Variants in ARHGAP22 observed in about 807,000 individuals in gnomAD.
ARHGAP22 encodes the protein Rho GTPase activating protein 22.
ARHGAP22 carries 48 observed loss-of-function variants against 59.1 expected under a neutral mutation model. The observed-to-expected ratio is 0.81, with a 90% CI of 0.64 to 1.03. The LOEUF is 1.03. Ranked by LOEUF, ARHGAP22 falls within the 50% of genes least tolerant of loss-of-function variation. ARHGAP22 has a pLI of 0.00. For missense variants in ARHGAP22, 1,015 were observed against 958.7 expected, an observed-to-expected ratio of 1.06 and a Z score of -0.78; for synonymous variants, 445 against 416.4, an observed-to-expected ratio of 1.07 and a Z score of -0.84.
upstream of ARHGAP22, chr10:48,652,655 A>G (rs2062612342): frequency 4.6e-6 from 1 of 219,154 alleles, no homozygotes; most frequent in Admixed American, 5.3e-5. Context: ...CTCAGCACAC[A>G]TCGGATGCTA....
intron 1 of ARHGAP22, among the ~76,000 whole-genome samples, chr10:48,586,147 A>T (rs10491038): frequency 1.3e-5 from 2 of 152,076 alleles, no homozygotes; most frequent in African/African-American, 4.8e-5. Flanking sequence ...CACACCGTAC[A>T]TTGCTTTTAG....
At chr10:48,531,888 C>G (rs2054886685) in intron 3 of ARHGAP22, among the ~76,000 whole-genome samples, 1 of 152,118 alleles carries the variant, frequency 6.6e-6, no homozygotes, top group Non-Finnish European at 1.5e-5. Context: ...GTTGAGACTT[C>G]CAGTTAAAAA....
chr10:48,453,412 C>T lies in ARHGAP22; in HGVS notation c.880G>A (p.Val294Ile). ...LRYICKFLDE[V>I]QAYSNVNKMS... ...TTGTTGACATTTGAGTATGCCTGAA[C>T]TTCATCCAGAAACCTGCAAAGTAAG... Residue 294 changes from valine (V) to isoleucine (I), a missense_variant, in exon 8 of 10, where the codon GTT becomes ATT. Coordinates refer to ENST00000249601, the MANE Select transcript of ARHGAP22 (RefSeq NM_021226.4). 3 of 1,613,866 alleles carry T rather than the reference C, an allele frequency of 1.9e-6. No homozygotes were observed. The highest frequency in any genetic ancestry group is 1.7e-6 in the Non-Finnish European group (2 of 1,179,888).
intron 9 of ARHGAP22, 85 bp downstream of exon 9, chr10:48,450,176 A>C (rs763117560): frequency 1.3e-6 from 2 of 1,515,536 alleles, no homozygotes; most frequent in Non-Finnish European, 1.8e-6. Flanking sequence ...CCCAGAGGTT[A>C]GGGGCCGACG....
At chr10:48,489,023 A>G (rs1184438902) in intron 3 of ARHGAP22, among the ~76,000 whole-genome samples, 2 of 149,918 alleles carry the variant, frequency 1.3e-5, no homozygotes, top group Non-Finnish European at 1.5e-5. Flanking sequence ...CTTGTTTCCC[A>G]TCTCTTGGGG....
At chr10:48,528,364 G>A (rs929150325) in intron 3 of ARHGAP22, among the ~76,000 whole-genome samples, 1 of 152,196 alleles carries the variant, frequency 6.6e-6, no homozygotes, top group Non-Finnish European at 1.5e-5. Flanking sequence ...AGCTTAGGGA[G>A]CCTATAATGA....
At chr10:48,574,601 G>A (rs2058594706) in intron 2 of ARHGAP22, 1 of 152,212 alleles carries the variant, frequency 6.6e-6, no homozygotes, top group African/African-American at 2.4e-5. Context: ...CCTGTGAGCT[G>A]TGAGCACAAG....
At chr10:48,539,291 A>ATTTTTTT (rs56801787) in intron 3 of ARHGAP22, among the ~76,000 whole-genome samples, 9 of 136,284 alleles carry the variant, frequency 6.6e-5, no homozygotes, top group African/African-American at 2.0e-4. Context: ...GAAGGGTAAC[A>ATTTTTTT]TTTTTTTTTT....
chr10:48,586,614 C>G (rs1291747639), intron 1 of ARHGAP22, among the ~76,000 whole-genome samples: 1 of 152,196 alleles, frequency 6.6e-6, no homozygotes, highest in Non-Finnish European at 1.5e-5. Context: ...TTACACCAAA[C>G]AATTATGCCA....
In ARHGAP22 at chr10:48,454,071, C is replaced by T. The variant is rs376526964; in HGVS notation, c.866+17G>A. On this transcript the variant is annotated intron_variant, in intron 7 of 9. Coordinates refer to ENST00000249601, the MANE Select transcript of ARHGAP22 (RefSeq NM_021226.4). ...CCAGTGCAGGAAAGTGTGGTTCCCTCCTGCCAAGCCGCTTACTTGCAGATG... is the reference window on the plus strand; with the variant it reads ...CCAGTGCAGGAAAGTGTGGTTCCCTTCTGCCAAGCCGCTTACTTGCAGATG... 5.8e-5 allele frequency: 94 copies of T among 1,613,096 alleles called. No homozygotes were observed. Among genetic ancestry groups the T allele is most frequent in the Non-Finnish European group, 7.9e-5 (93 of 1,179,358 alleles).
chr10:48,541,438 C>G (rs2055918597), intron 3 of ARHGAP22, among the ~76,000 whole-genome samples: 1 of 152,356 alleles, frequency 6.6e-6, no homozygotes, highest in Non-Finnish European at 1.5e-5. Context: ...GCACATCCTT[C>G]TGTGTCTCTG....
At chr10:48,458,447 C>T (rs1196158451) in intron 5 of ARHGAP22, among the ~76,000 whole-genome samples, 1 of 152,028 alleles carries the variant, frequency 6.6e-6, no homozygotes, top group Non-Finnish European at 1.5e-5. Context: ...AGGTGGAGAC[C>T]CCCCCAGCAG....
chr10:48,516,537 T>C (rs2053309565), intron 3 of ARHGAP22, among the ~76,000 whole-genome samples: 1 of 151,556 alleles, frequency 6.6e-6, no homozygotes, highest in African/African-American at 2.4e-5. Context: ...CAAAAATAAA[T>C]AAATAAATAA....
the ARHGAP22 span, among the ~76,000 whole-genome samples, chr10:48,434,292 G>A: frequency 1.3e-5 from 2 of 152,250 alleles, no homozygotes; most frequent in South Asian, 2.1e-4. Flanking sequence ...CCATAACCTC[G>A]TGTAAAGTGG....
chr10:48,573,467 G>A (rs78907139), intron 2 of ARHGAP22, among the ~76,000 whole-genome samples: 2,468 of 152,202 alleles, frequency 0.016, 57 homozygotes, highest in African/African-American at 0.056. Context: ...CCAGGTATTC[G>A]TGGCAGACTT....
intron 3 of ARHGAP22, among the ~76,000 whole-genome samples, chr10:48,514,644 CA>C (rs2053114275): frequency 6.6e-6 from 1 of 152,134 alleles, no homozygotes; most frequent in Non-Finnish European, 1.5e-5. Flanking sequence ...TTGAAATCCA[CA>C]TTAAGAAATG....
At chr10:48,489,819 C>T (rs1029453709) in intron 3 of ARHGAP22, among the ~76,000 whole-genome samples, 14 of 151,422 alleles carry the variant, frequency 9.2e-5, no homozygotes, top group African/African-American at 2.7e-4. Flanking sequence ...CTGCAAGCTC[C>T]GCCTCCTAGG....
At chr10:48,632,758 C>T (rs1229172315) in intron 1 of ARHGAP22, among the ~76,000 whole-genome samples, 3 of 152,206 alleles carry the variant, frequency 2.0e-5, no homozygotes, top group Non-Finnish European at 4.4e-5. Flanking sequence ...ACCACCCAGG[C>T]TAGGAGCTGT....
At chr10:48,526,373 G>A (rs940864864) in intron 3 of ARHGAP22, among the ~76,000 whole-genome samples, 4 of 152,200 alleles carry the variant, frequency 2.6e-5, no homozygotes, top group African/African-American at 7.2e-5. Flanking sequence ...GTGAGGCTTC[G>A]GGGAGAGAGA....
Sources: allele counts gnomAD v4.1 joint callset (sites outside exome capture counted in the v4.1 genomes callset), GRCh38; gene constraint gnomAD v4.1.1; transcripts MANE v1.5; gene names NCBI Gene and HGNC (gene_info 2026-07-23, HGNC 2026-07-21).